Variants in OLFML2B observed in about 807,000 individuals in gnomAD.
OLFML2B encodes olfactomedin like 2B.
Under a neutral mutation model 74.9 loss-of-function variants are expected in OLFML2B, and 57 were observed. The observed-to-expected ratio is 0.76, with a 90% CI of 0.61 to 0.95. OLFML2B has a LOEUF of 0.95. Ranked by LOEUF, OLFML2B falls within the 40% of genes least tolerant of loss-of-function variation. OLFML2B has a pLI of 0.00. For missense variants in OLFML2B, 986 were observed against 970.6 expected, an observed-to-expected ratio of 1.02 and a Z score of -0.21; for synonymous variants, 388 against 405.8, an observed-to-expected ratio of 0.96 and a Z score of 0.53.
intron 3 of OLFML2B, among the ~76,000 whole-genome samples, chr1:162,015,060 T>C (rs1330690582): frequency 6.6e-6 from 1 of 152,200 alleles, no homozygotes; most frequent in African/African-American, 2.4e-5. Context: ...GCTCTCACAT[T>C]ACCCAGGAAC....
intron 1 of OLFML2B, among the ~76,000 whole-genome samples, chr1:162,021,145 A>C (rs1690693748): frequency 6.6e-6 from 1 of 152,246 alleles, no homozygotes; most frequent in African/African-American, 2.4e-5. Context: ...AGTGGCATTT[A>C]ATCTGGGCCT....
chr1:162,012,608 C>A (rs1179945895), intron 3 of OLFML2B, among the ~76,000 whole-genome samples: 1 of 152,158 alleles, frequency 6.6e-6, no homozygotes, highest in Non-Finnish European at 1.5e-5. Context: ...TTTGCAAATT[C>A]CAGCAGGTAG....
chr1:162,000,231 C>A lies in OLFML2B; in HGVS notation c.831G>T (p.Arg277=), dbSNP rs138048399. ...LALPEVVKSQ[R]PLQRQVHLRG... is the part of the protein sequence containing the mutation. The stretch of plus-strand genomic sequence containing the variant: ...TCAGGTGGACCTGCCTCTGCAGGGG[C>A]CGCTGTGACTTCACCACCTCAGGCA... The change falls in exon 5 of 8, where the codon CGG becomes CGT. Residue 277 remains arginine, a synonymous_variant. Transcript: ENST00000294794. 37 of 1,613,860 alleles carry A rather than the reference C, an allele frequency of 2.3e-5. No individual in the cohort carries two copies. In the African/African-American group the frequency reaches 4.4e-4, roughly 19 times the overall value.
At chr1:162,011,552 C>T (rs1690387685) in intron 3 of OLFML2B, among the ~76,000 whole-genome samples, 1 of 152,192 alleles carries the variant, frequency 6.6e-6, no homozygotes, top group Non-Finnish European at 1.5e-5. Flanking sequence ...AGGCCATGGC[C>T]TAATCCCTCC....
At chr1:161,997,695 C>CT in intron 6 of OLFML2B, 130 bp downstream of exon 6, 1 of 983,934 alleles carries the variant, frequency 1.0e-6, no homozygotes, top group Non-Finnish European at 1.5e-6. Flanking sequence ...TGGTCAAAGG[C>CT]TTAACTCCAC....
Position 161,998,359 on chromosome 1 carries a change from A to C in OLFML2B, c.950-10T>G, listed in dbSNP as rs368203668. The C allele has an allele frequency of 6.5e-6, 10 of 1,542,538 alleles. No homozygotes were observed. In the African/African-American group the frequency reaches 1.4e-4, roughly 21 times the overall value. Reference sequence around the variant, plus strand: ...CTGAAAAACTCATCTTCTGTGAAACAAACACAAGGTTCACTGTGGCACGGG... The same window carrying C: ...CTGAAAAACTCATCTTCTGTGAAACCAACACAAGGTTCACTGTGGCACGGG... On this transcript the variant is annotated splice_polypyrimidine_tract_variant and intron_variant, in intron 5 of 7. Coordinates refer to ENST00000294794, the MANE Select transcript of OLFML2B (RefSeq NM_015441.3).
intron 3 of OLFML2B, among the ~76,000 whole-genome samples, chr1:162,011,952 T>C (rs1558066074): frequency 6.6e-6 from 1 of 152,200 alleles, no homozygotes; most frequent in Admixed American, 6.5e-5. Flanking sequence ...TATCCCACAA[T>C]TGCAAATTAG....
At chr1:161,992,394 T>C (rs1482005099) in intron 6 of OLFML2B, among the ~76,000 whole-genome samples, 1 of 152,266 alleles carries the variant, frequency 6.6e-6, no homozygotes, top group Non-Finnish European at 1.5e-5. Flanking sequence ...AATAAGGCTG[T>C]TTCATTTGCT....
chr1:161,983,474 G>A lies in OLFML2B; in HGVS notation c.*201C>T, dbSNP rs982862217. On this transcript the variant is annotated 3_prime_UTR_variant, in exon 8 of 8. Transcript: ENST00000294794. ...CACAAAAATATAAACTGGGGAGGATGAGACCAGCACATACACGTATGGATT... is the reference window on the plus strand; with the variant it reads ...CACAAAAATATAAACTGGGGAGGATAAGACCAGCACATACACGTATGGATT... The A allele has an allele frequency of 4.0e-6, 2 of 501,526 alleles. No homozygotes were observed. The highest frequency in any genetic ancestry group is 6.8e-6 in the Non-Finnish European group (2 of 294,912). The allele number at this position is 501,526 out of a possible 1,614,324, so 31.1% of individuals were successfully genotyped here. A position where few individuals can be genotyped will look rare whatever the true frequency, so the allele number is the denominator to read the frequency against.
chr1:161,999,160 T>C (rs1486937381), intron 5 of OLFML2B, among the ~76,000 whole-genome samples: 1 of 151,992 alleles, frequency 6.6e-6, no homozygotes, highest in South Asian at 2.1e-4. Context: ...TGAGCAGAGA[T>C]GGAATATGGA....
intron 3 of OLFML2B, among the ~76,000 whole-genome samples, chr1:162,009,810 C>A (rs1690325447): frequency 6.6e-6 from 1 of 152,126 alleles, no homozygotes; most frequent in Non-Finnish European, 1.5e-5. Flanking sequence ...CTCAAGAGCT[C>A]CCCACCTCTC....
In OLFML2B at chr1:161,995,167, T is replaced by C. The variant is rs1689856628; in HGVS notation, c.1474+2658A>G. Among the ~76,000 whole-genome samples, 5 of 152,214 alleles carry C rather than the reference T, an allele frequency of 3.3e-5. No homozygotes were observed. The South Asian group carries it at 1.0e-3, about 32-fold the overall frequency. On this transcript the variant is annotated intron_variant, in intron 6 of 7. Transcript: ENST00000294794. Reference sequence around the variant, plus strand: ...AGGGAGGCATTTGGCAGTGATAAACTATTGAAAATAATTCCCAGAAACAAA... The same window carrying C: ...AGGGAGGCATTTGGCAGTGATAAACCATTGAAAATAATTCCCAGAAACAAA...
At chr1:162,014,070 C>A (rs1428693167) in intron 3 of OLFML2B, among the ~76,000 whole-genome samples, 1 of 151,956 alleles carries the variant, frequency 6.6e-6, no homozygotes, top group African/African-American at 2.4e-5. Flanking sequence ...ATAAAGGTTC[C>A]CCTGAGGGAA....
chr1:162,015,041 A>G (rs149295845), intron 3 of OLFML2B, among the ~76,000 whole-genome samples: 1,653 of 152,302 alleles, frequency 0.011, 14 homozygotes, highest in Middle Eastern at 0.02. Flanking sequence ...AAGTCATCTA[A>G]TTTCCTTGGC....
In OLFML2B at chr1:161,998,353, T is replaced by C. The variant is rs1689982858; in HGVS notation, c.950-4A>G. 6.5e-7 allele frequency: 1 copy of C among 1,543,076 alleles called. No homozygotes were observed. The highest frequency in any genetic ancestry group is 8.8e-7 in the Non-Finnish European group (1 of 1,140,284). Reference sequence around the variant, plus strand: ...TCACCGCTGAAAAACTCATCTTCTGTGAAACAAACACAAGGTTCACTGTGG... The same window carrying C: ...TCACCGCTGAAAAACTCATCTTCTGCGAAACAAACACAAGGTTCACTGTGG... On this transcript the variant is annotated splice_polypyrimidine_tract_variant and splice_region_variant and intron_variant, in intron 5 of 7. Transcript: ENST00000294794.
At chr1:162,005,670 T>C (rs1016961226) in intron 4 of OLFML2B, among the ~76,000 whole-genome samples, 11 of 152,118 alleles carry the variant, frequency 7.2e-5, no homozygotes, top group Non-Finnish European at 1.3e-4. Flanking sequence ...CGCAGAAGGA[T>C]TGCTTGTGGC....
At chr1:162,011,975 T>C (rs1184834831) in intron 3 of OLFML2B, among the ~76,000 whole-genome samples, 2 of 152,202 alleles carry the variant, frequency 1.3e-5, no homozygotes, top group East Asian at 1.9e-4. Flanking sequence ...TTGAAGTATA[T>C]ACAACCCTGG....
At chr1:162,015,943 T>A (rs1690521269) in intron 3 of OLFML2B, among the ~76,000 whole-genome samples, 1 of 152,168 alleles carries the variant, frequency 6.6e-6, no homozygotes, top group Non-Finnish European at 1.5e-5. Context: ...ATATCTGATG[T>A]GATTAAGGAC....
At position 161,983,904 on chromosome 1, in the gene OLFML2B, T is replaced by C. The variant is rs760091281; in HGVS notation, c.2024A>G (p.Asn675Ser). 3.1e-6 allele frequency: 5 copies of C among 1,614,094 alleles called. No homozygotes were observed. Among genetic ancestry groups the C allele is most frequent in the Non-Finnish European group, 3.4e-6 (4 of 1,180,036 alleles). ...CAGCACCCCACAGATGACGAAGCAGTTGCCGTAGAAATTCCTCCGGAGCCC... is the reference window on the plus strand; with the variant it reads ...CAGCACCCCACAGATGACGAAGCAGCTGCCGTAGAAATTCCTCCGGAGCCC... ...RTGLRRNFYG[N>S]CFVICGVLYA... The change falls in exon 8 of 8, where the codon AAC becomes AGC. Residue 675 changes from asparagine (N) to serine (S), a missense_variant. Transcript: ENST00000294794.
Sources: allele counts gnomAD v4.1 joint callset (sites outside exome capture counted in the v4.1 genomes callset), GRCh38; gene constraint gnomAD v4.1.1; transcripts MANE v1.5; gene names NCBI Gene and HGNC (gene_info 2026-07-23, HGNC 2026-07-21).